LIN28B: variants seen among roughly 807,000 people sequenced by gnomAD.
LIN28B encodes the protein lin-28 RNA binding posttranscriptional regulator B.
LIN28B carries 5 observed loss-of-function variants against 21.9 expected under a neutral mutation model. The ratio of observed to expected loss-of-function variants is 0.23; its 90% CI spans 0.12 to 0.48. The LOEUF (loss-of-function observed/expected upper bound fraction) is 0.48, where lower values mean the gene tolerates loss of function less well. LIN28B is among the 20% of genes least tolerant of loss of function. LIN28B has a pLI of 0.98. For missense variants in LIN28B, 245 were observed against 310.5 expected, an observed-to-expected ratio of 0.79 and a Z score of 1.58; for synonymous variants, 109 against 111.3, an observed-to-expected ratio of 0.98 and a Z score of 0.13.
intron 2 of LIN28B, among the ~76,000 whole-genome samples, chr6:105,008,807 G>T (rs1170039161): frequency 6.6e-6 from 1 of 152,224 alleles, no homozygotes. Flanking sequence ...TGAGTTCAAA[G>T]ACTTGACACA....
exon 3 of LIN28B, chr6:104,950,487 C>A: frequency 8.2e-7 from 1 of 1,225,754 alleles, no homozygotes; most frequent in Non-Finnish European, 1.0e-6. Flanking sequence ...TGAGGTCATT[C>A]AACCAGGTTT....
At chr6:105,063,546 G>T (rs754912122) in intron 3 of LIN28B, among the ~76,000 whole-genome samples, 1 of 147,796 alleles carries the variant, frequency 6.8e-6, no homozygotes, top group East Asian at 2.0e-4. Flanking sequence ...TGAGGCACAA[G>T]AATTGCTTGA....
intron 2 of LIN28B, among the ~76,000 whole-genome samples, chr6:104,986,456 A>AT: frequency 6.9e-6 from 1 of 145,004 alleles, no homozygotes; most frequent in Non-Finnish European, 1.5e-5. Context: ...CTCCAATCTC[A>AT]TTTTTTTCCC....
At chr6:104,994,044 G>A (rs758837685) in intron 2 of LIN28B, among the ~76,000 whole-genome samples, 6 of 151,748 alleles carry the variant, frequency 4.0e-5, no homozygotes, top group African/African-American at 9.7e-5. Context: ...TCCTTCTGTC[G>A]CCCAGGCTGG....
At chr6:104,966,138 G>A (rs994595106) in intron 2 of LIN28B, among the ~76,000 whole-genome samples, 1 of 152,086 alleles carries the variant, frequency 6.6e-6, no homozygotes, top group Non-Finnish European at 1.5e-5. Flanking sequence ...GACTCAATGT[G>A]TGTTGTACAT....
At chr6:105,016,576 T>C (rs1582897409) in intron 2 of LIN28B, among the ~76,000 whole-genome samples, 1 of 152,168 alleles carries the variant, frequency 6.6e-6, no homozygotes, top group African/African-American at 2.4e-5. Context: ...TGTCCTCATC[T>C]AAGTGAGAAA....
intron 2 of LIN28B, among the ~76,000 whole-genome samples, chr6:105,024,169 T>A (rs1771237109): frequency 6.6e-6 from 1 of 152,112 alleles, no homozygotes; most frequent in Non-Finnish European, 1.5e-5. Context: ...TTTGTATTTT[T>A]TTAGTAGAGA....
intron 2 of LIN28B, among the ~76,000 whole-genome samples, chr6:105,023,296 TA>T (rs1302356853): frequency 2.9e-4 from 7 of 24,346 alleles, no homozygotes; most frequent in South Asian, 1.5e-3. Flanking sequence ...ATAATATATA[TA>T]TTTATATATA....
At chr6:104,993,525 T>C (rs554481011) in intron 2 of LIN28B, among the ~76,000 whole-genome samples, 2 of 152,270 alleles carry the variant, frequency 1.3e-5, no homozygotes, top group East Asian at 3.9e-4. Context: ...TTAATTTGTT[T>C]GTTTCAGGCT....
In LIN28B at chr6:104,951,292, T is replaced by G. The variant is rs147349344; in HGVS notation, c.67+783T>G. Among the ~76,000 whole-genome samples the G allele has an allele frequency of 3.7e-4, 56 of 152,292 alleles. No homozygotes were observed. The East Asian group carries it at 9.6e-3, about 26-fold the overall frequency. On this transcript the variant is annotated intron_variant, in intron 3 of 5. Transcript: ENST00000635857. ...AACTACAAGTAAAATGATGTTATTC[T>G]GTTATTAAACTTTTCAAATATAGGA...
chr6:105,036,207 T>C (rs1036315935), intron 3 of LIN28B, among the ~76,000 whole-genome samples: 2 of 152,180 alleles, frequency 1.3e-5, no homozygotes, highest in African/African-American at 4.8e-5. Context: ...CCACAACTCT[T>C]TATTTTACAT....
At chr6:104,940,790 C>T (rs1239091290) in intron 2 of LIN28B, 2 of 151,658 alleles carry the variant, frequency 1.3e-5, no homozygotes, top group African/African-American at 4.8e-5. Context: ...GGTGGCCGCG[C>T]GCCGCCCGGC....
intron 2 of LIN28B, among the ~76,000 whole-genome samples, chr6:105,019,448 T>C (rs147264138): frequency 6.6e-6 from 1 of 152,306 alleles, no homozygotes; most frequent in African/African-American, 2.4e-5. Context: ...TTCAGTCTCT[T>C]TAGAGAAGGG....
chr6:104,969,112 A>G (rs1278840658), intron 2 of LIN28B, among the ~76,000 whole-genome samples: 2 of 152,062 alleles, frequency 1.3e-5, no homozygotes, highest in Non-Finnish European at 2.9e-5. Context: ...CATCTTTTTC[A>G]ATTTTCACAA....
At chr6:105,050,608 CAAAA>C (rs61464567) in intron 3 of LIN28B, among the ~76,000 whole-genome samples, 34 of 47,602 alleles carry the variant, frequency 7.1e-4, no homozygotes, top group South Asian at 4.9e-3. Context: ...GACTCCGTCT[CAAAA>C]AAAAAAAAAA....
intron 2 of LIN28B, among the ~76,000 whole-genome samples, chr6:105,004,068 G>C (rs1448491069): frequency 6.6e-6 from 1 of 152,162 alleles, no homozygotes; most frequent in Admixed American, 6.5e-5. Flanking sequence ...TCTGATGTTC[G>C]AAGGCAGGAA....
At chr6:105,052,986 CT>C (rs750178075) in intron 3 of LIN28B, among the ~76,000 whole-genome samples, 27 of 151,930 alleles carry the variant, frequency 1.8e-4, no homozygotes, top group Non-Finnish European at 3.4e-4. Flanking sequence ...TTTAAACCTT[CT>C]TTTCTAACAT....
upstream of LIN28B, among the ~76,000 whole-genome samples, chr6:104,955,848 A>T (rs917756168): frequency 1.3e-5 from 2 of 152,178 alleles, no homozygotes; most frequent in Non-Finnish European, 2.9e-5. Context: ...AAGGAAATAA[A>T]GTCTTTTTAG....
Position 105,020,107 on chromosome 6 carries a change from CTTTTT to C in LIN28B, c.199-6171_199-6167del, listed in dbSNP as rs1158938023. 5.0e-3 allele frequency among the ~76,000 whole-genome samples: 437 copies of C among 87,606 alleles called. 9 individuals are homozygous for C. Among genetic ancestry groups the C allele is most frequent in the African/African-American group, 0.02 (418 of 21,120 alleles). 57.5% of individuals were successfully genotyped at this position (87,606 alleles called of 152,430 possible). ...CAGTTGACTCCTTATTCCTGTTATT[CTTTTT>C]TTTTTTTTTTTTTTTTTTTGAGAAT... On this transcript the variant is annotated intron_variant, in intron 2 of 3. Transcript: ENST00000345080.
Sources: allele counts gnomAD v4.1 joint callset (sites outside exome capture counted in the v4.1 genomes callset), GRCh38; gene constraint gnomAD v4.1.1; transcripts MANE v1.5; gene names NCBI Gene and HGNC (gene_info 2026-07-23, HGNC 2026-07-21).